KIZ: variants seen among roughly 807,000 people sequenced by gnomAD.
KIZ encodes the protein centrosomal protein kizuna.
Under a neutral mutation model 79.6 loss-of-function variants are expected in KIZ, and 68 were observed. That is an observed-to-expected ratio of 0.85 (90% CI 0.70 to 1.05). The LOEUF (loss-of-function observed/expected upper bound fraction) is 1.05. KIZ is among the 50% of genes least tolerant of loss of function. The pLI is 0.00. For synonymous variants in KIZ, 280 were observed against 281.8 expected (o/e 0.99, Z 0.06); for missense variants, 797 against 800.4 (o/e 1.00, Z 0.05).
At chr20:21,216,991 A>G (rs1160928185) in intron 9 of KIZ, among the ~76,000 whole-genome samples, 1 of 152,224 alleles carries the variant, frequency 6.6e-6, no homozygotes, top group Non-Finnish European at 1.5e-5. Context: ...CTTCTCATGC[A>G]GAAGTGCAAT....
chr20:21,160,198 C>T (rs1444518522), intron 4 of KIZ, among the ~76,000 whole-genome samples: 1 of 152,204 alleles, frequency 6.6e-6, no homozygotes, highest in Non-Finnish European at 1.5e-5. Flanking sequence ...CAGCTGCTCT[C>T]TGGTGACCAC....
intron 6 of KIZ, chr20:21,198,524 C>G (rs1326412348): frequency 2.0e-5 from 3 of 152,286 alleles, no homozygotes; most frequent in African/African-American, 7.2e-5. Flanking sequence ...TAGCCTACAA[C>G]ATAGTGCTGT....
rs541090381 is a variant in KIZ at position 21,183,988 on chromosome 20, G to A, written c.1352+20829G>A. Among the ~76,000 whole-genome samples the A allele has an allele frequency of 7.2e-5, 11 of 152,288 alleles. No homozygotes were observed. The East Asian group carries it at 2.1e-3, about 29-fold the overall frequency. ...GCCCATCCCCTACACAATCACTGAA[G>A]CAAGGGCAGAGTCCATTGGCTTTTA... On this transcript the variant is annotated intron_variant, in intron 6 of 12. Transcript: ENST00000619189.
intron 11 of KIZ, among the ~76,000 whole-genome samples, chr20:21,239,137 C>T (rs1038945459): frequency 6.6e-6 from 1 of 152,224 alleles, no homozygotes; most frequent in Non-Finnish European, 1.5e-5. Flanking sequence ...AGAACACTTC[C>T]AGGAAGGCAT....
At chr20:21,238,782 G>A (rs2037120186) in intron 11 of KIZ, among the ~76,000 whole-genome samples, 1 of 152,214 alleles carries the variant, frequency 6.6e-6, no homozygotes, top group African/African-American at 2.4e-5. Flanking sequence ...GTTTGCTGCT[G>A]CAGCCCCAGC....
intron 4 of KIZ, among the ~76,000 whole-genome samples, chr20:21,159,298 T>A (rs2033544792): frequency 6.6e-6 from 1 of 152,166 alleles, no homozygotes; most frequent in Admixed American, 6.5e-5. Flanking sequence ...CTCTTCCTAA[T>A]CTCAGATTAG....
intron 3 of KIZ, 28 bp from the exon 4 acceptor site, chr20:21,145,537 C>A: frequency 8.8e-7 from 1 of 1,140,348 alleles, no homozygotes; most frequent in Non-Finnish European, 1.3e-6. Context: ...AAATATTTAT[C>A]ACAAAATCAA....
chr20:21,233,169 TAAAAG>T (rs756568411), intron 11 of KIZ, among the ~76,000 whole-genome samples: 2 of 152,216 alleles, frequency 1.3e-5, no homozygotes, highest in Non-Finnish European at 2.9e-5. Context: ...CATCAGGCCT[TAAAAG>T]AAATAAAGTG....
intron 3 of KIZ, among the ~76,000 whole-genome samples, chr20:21,140,646 T>G (rs1436795104): frequency 1.3e-5 from 2 of 152,088 alleles, no homozygotes; most frequent in African/African-American, 2.4e-5. Context: ...CTGCTACTTG[T>G]CAGTTGGATA....
intron 9 of KIZ, among the ~76,000 whole-genome samples, chr20:21,223,080 A>T (rs1185220374): frequency 6.6e-6 from 1 of 152,356 alleles, no homozygotes; most frequent in African/African-American, 2.4e-5. Context: ...CTCTCATTAA[A>T]TAAATCATTG....
At chr20:21,190,954 A>G (rs377719501) in intron 6 of KIZ, among the ~76,000 whole-genome samples, 109 of 152,290 alleles carry the variant, frequency 7.2e-4, no homozygotes, top group African/African-American at 2.3e-3. Context: ...AGTGAATTCT[A>G]ATTGTAAGAT....
chr20:21,232,920 T>A (rs2036883470), intron 11 of KIZ, 90 bp downstream of exon 11: 2 of 707,112 alleles, frequency 2.8e-6, no homozygotes, highest in East Asian at 5.4e-5. Flanking sequence ...TATTATTTTG[T>A]TGTATGACTT....
At chr20:21,151,659 T>G (rs1300245386) in intron 4 of KIZ, 1 of 152,120 alleles carries the variant, frequency 6.6e-6, no homozygotes, top group African/African-American at 2.4e-5. Context: ...ACTTTCCAAA[T>G]TCATATAGTC....
chr20:21,172,503 G>T (rs1235573738), intron 6 of KIZ, among the ~76,000 whole-genome samples: 1 of 152,062 alleles, frequency 6.6e-6, no homozygotes, highest in Non-Finnish European at 1.5e-5. Context: ...GGAGGGTGAG[G>T]CAGGAGGATC....
At chr20:21,142,411 C>T (rs1252133979) in intron 3 of KIZ, among the ~76,000 whole-genome samples, 1 of 152,108 alleles carries the variant, frequency 6.6e-6, no homozygotes, top group Non-Finnish European at 1.5e-5. Flanking sequence ...AGACTTCCCC[C>T]TTGACTGAAA....
chr20:21,162,160 T>C lies in KIZ; in HGVS notation c.695T>C (p.Ile232Thr), dbSNP rs371083758. Residue 232 changes from isoleucine to threonine, a missense_variant, in exon 5 of 13, where the codon ATT becomes ACT. Coordinates refer to ENST00000619189, the MANE Select transcript of KIZ (RefSeq NM_018474.6). The part of the protein sequence containing the change: ...DNIDGKASLQ[I>T]GEKMPVTASV... Reference sequence around the variant, plus strand: ...ATAGATGGAAAGGCATCTCTTCAGATTGGTGAGAAAATGCCAGTCACAGCC... The same window carrying C: ...ATAGATGGAAAGGCATCTCTTCAGACTGGTGAGAAAATGCCAGTCACAGCC... 8.1e-6 allele frequency: 13 copies of C among 1,611,096 alleles called. No individual in the cohort carries two copies. The highest frequency in any genetic ancestry group is 2.7e-5 in the African/African-American group (2 of 74,146).
At chr20:21,162,578 A>G (rs2033729649) in intron 5 of KIZ, 71 bp downstream of exon 5, 2 of 1,124,614 alleles carry the variant, frequency 1.8e-6, no homozygotes, top group Non-Finnish European at 1.3e-6. Context: ...GACAAAATAT[A>G]CTAATTATCT....
chr20:21,168,053 A>T lies in KIZ; in HGVS notation c.1352+4894A>T, dbSNP rs148252234. ...GTCATTTAACATTAGGTATATCTCC[A>T]AATGCTATCCCTCCCCACTCCCCTA... On this transcript the variant is annotated intron_variant, in intron 6 of 12. Transcript: ENST00000619189. Among the ~76,000 whole-genome samples, 1,049 of 152,124 alleles carry T rather than the reference A, an allele frequency of 6.9e-3. 15 individuals carry two copies. The highest frequency in any genetic ancestry group is 0.024 in the African/African-American group (986 of 41,476).
chr20:21,221,711 G>A lies in KIZ; in HGVS notation c.1678+6063G>A, dbSNP rs188918892. Reference sequence around the variant, plus strand: ...AGTATAGATTTGGAGGGTGCCACTTGGAGTTCTAGGCAGTGCTTCCCAAAA... The same window carrying A: ...AGTATAGATTTGGAGGGTGCCACTTAGAGTTCTAGGCAGTGCTTCCCAAAA... On this transcript the variant is annotated intron_variant, in intron 9 of 12. Coordinates refer to ENST00000619189, the MANE Select transcript of KIZ (RefSeq NM_018474.6). Among the ~76,000 whole-genome samples the A allele has an allele frequency of 5.3e-5, 8 of 152,250 alleles. No individual in the cohort carries two copies. In the East Asian group the frequency reaches 1.5e-3, roughly 29 times the overall value.
Sources: gnomAD v4.1 joint callset for allele counts (sites outside exome capture counted in the v4.1 genomes callset) on GRCh38, gnomAD v4.1.1 for gene constraint, MANE v1.5 for transcripts, NCBI Gene and HGNC (gene_info 2026-07-23, HGNC 2026-07-21) for gene names.